The following MARCHF11 variants were observed in gnomAD, a reference collection of about 807,000 sequenced individuals.
MARCHF11 encodes the protein E3 ubiquitin-protein ligase MARCHF11.
Under a neutral mutation model 37.3 loss-of-function variants are expected in MARCHF11, and 29 were observed. The ratio of observed to expected loss-of-function variants is 0.78; its 90% CI spans 0.58 to 1.06. The LOEUF is 1.06. Among genes scored for constraint, MARCHF11 ranks in the 50% least tolerant of loss-of-function variants. MARCHF11 has a pLI of 0.00. For missense variants in MARCHF11, 482 were observed against 533.4 expected (o/e 0.90, Z 0.95); for synonymous variants, 233 against 228.0 (o/e 1.02, Z -0.20).
intron 2 of MARCHF11, among the ~76,000 whole-genome samples, chr5:16,136,484 G>A (rs1056387502): frequency 2.4e-4 from 37 of 152,250 alleles, no homozygotes; most frequent in Admixed American, 1.8e-3. Context: ...AAGAAAGTCA[G>A]GAGACAAATG....
chr5:16,172,141 A>C (rs1738280607), intron 2 of MARCHF11, among the ~76,000 whole-genome samples: 1 of 152,192 alleles, frequency 6.6e-6, no homozygotes, highest in African/African-American at 2.4e-5. Context: ...AGAAATTGTA[A>C]AATCACTGTA....
intron 2 of MARCHF11, among the ~76,000 whole-genome samples, chr5:16,136,249 G>A (rs1200060750): frequency 1.3e-5 from 2 of 151,954 alleles, no homozygotes; most frequent in African/African-American, 4.8e-5. Flanking sequence ...AAATGTTTGA[G>A]TAATAAAATA....
chr5:16,121,444 C>T (rs1004852248), intron 2 of MARCHF11, among the ~76,000 whole-genome samples: 6 of 152,004 alleles, frequency 3.9e-5, no homozygotes, highest in Non-Finnish European at 8.8e-5. Context: ...AGTATATACT[C>T]GTTACGTAAA....
At chr5:16,122,675 G>A (rs1018637556) in intron 2 of MARCHF11, among the ~76,000 whole-genome samples, 14 of 152,058 alleles carry the variant, frequency 9.2e-5, no homozygotes, top group Non-Finnish European at 8.8e-5. Flanking sequence ...AACACCACAC[G>A]TGCTGCAGTG....
intron 2 of MARCHF11, among the ~76,000 whole-genome samples, chr5:16,164,935 CTA>C (rs1261438260): frequency 6.6e-6 from 1 of 152,036 alleles, no homozygotes; most frequent in Non-Finnish European, 1.5e-5. Flanking sequence ...ATTATTATTA[CTA>C]TGTTATTTCT....
chr5:16,111,364 G>A (rs1579387997), intron 2 of MARCHF11, among the ~76,000 whole-genome samples: 1 of 152,176 alleles, frequency 6.6e-6, no homozygotes, highest in East Asian at 1.9e-4. Flanking sequence ...AGGCTGAGGT[G>A]GTCTCAGATG....
At chr5:16,099,077 T>G (rs1200175886) in intron 2 of MARCHF11, among the ~76,000 whole-genome samples, 5 of 152,184 alleles carry the variant, frequency 3.3e-5, no homozygotes, top group Non-Finnish European at 4.4e-5. Context: ...AAAGCCATTT[T>G]CTTTGTAAAA....
intron 2 of MARCHF11, among the ~76,000 whole-genome samples, chr5:16,165,779 C>T (rs2126606958): frequency 6.6e-6 from 1 of 152,178 alleles, no homozygotes; most frequent in Middle Eastern, 3.4e-3. Context: ...TGCCTGGCTA[C>T]ATAGAATTTG....
chr5:16,067,817 C>A (rs764489129), intron 3 of MARCHF11, 24 bp from the exon 4 acceptor site: 6 of 1,581,200 alleles, frequency 3.8e-6, no homozygotes, highest in Admixed American at 1.8e-5. Flanking sequence ...AAATAAAAAA[C>A]CAAAAAGACT....
intron 3 of MARCHF11, among the ~76,000 whole-genome samples, chr5:16,077,185 A>G (rs377685832): frequency 6.5e-4 from 99 of 152,236 alleles, no homozygotes; most frequent in African/African-American, 2.3e-3. Flanking sequence ...GCTTTGGTAG[A>G]TTTCCATTTG....
chr5:16,134,977 T>TTCTCTC (rs146251875), intron 2 of MARCHF11, among the ~76,000 whole-genome samples: 1,523 of 143,068 alleles, frequency 0.011, 13 homozygotes, highest in African/African-American at 0.017. Flanking sequence ...TATGAGTGAT[T>TTCTCTC]TCTCTCTCTC....
intron 2 of MARCHF11, among the ~76,000 whole-genome samples, chr5:16,169,809 A>G (rs1466805329): frequency 1.3e-5 from 2 of 152,120 alleles, no homozygotes; most frequent in African/African-American, 4.8e-5. Flanking sequence ...TCTACTCATC[A>G]GTCCATTCCC....
intron 3 of MARCHF11, among the ~76,000 whole-genome samples, chr5:16,082,581 T>A (rs1437551829): frequency 2.6e-5 from 4 of 152,152 alleles, no homozygotes; most frequent in Admixed American, 1.3e-4. Context: ...GCCTTAGTAG[T>A]CAAATTGTGG....
chr5:16,130,949 G>A (rs1737505301), intron 2 of MARCHF11, among the ~76,000 whole-genome samples: 1 of 152,056 alleles, frequency 6.6e-6, no homozygotes, highest in South Asian at 2.1e-4. Context: ...AGGCAAATAT[G>A]ATCTGATATC....
intron 2 of MARCHF11, among the ~76,000 whole-genome samples, chr5:16,098,524 T>A (rs551064783): frequency 6.6e-6 from 1 of 152,026 alleles, no homozygotes; most frequent in Non-Finnish European, 1.5e-5. Flanking sequence ...CCCAGCACTT[T>A]GGGGAGGCAG....
At chr5:16,111,021 T>C (rs555279130) in intron 2 of MARCHF11, among the ~76,000 whole-genome samples, 1 of 152,338 alleles carries the variant, frequency 6.6e-6, no homozygotes, top group East Asian at 1.9e-4. Flanking sequence ...TCTTGCCTGC[T>C]GCCAACATAA....
chr5:16,160,800 C>T (rs1249745939), intron 2 of MARCHF11, among the ~76,000 whole-genome samples: 1 of 151,606 alleles, frequency 6.6e-6, no homozygotes, highest in Non-Finnish European at 1.5e-5. Context: ...GAACCTGGGT[C>T]GAATTTATTT....
At chr5:16,150,109 T>C (rs936760093) in intron 2 of MARCHF11, among the ~76,000 whole-genome samples, 7 of 149,584 alleles carry the variant, frequency 4.7e-5, no homozygotes, top group Admixed American at 4.0e-4. Context: ...CAGGTGTACA[T>C]GTATAAAAGA....
In MARCHF11 at chr5:16,119,379, G is replaced by A. The variant is rs369998746; in HGVS notation, c.694-28298C>T. 1.1e-3 allele frequency among the ~76,000 whole-genome samples: 167 copies of A among 150,436 alleles called. 1 individual carries two copies. Among genetic ancestry groups the A allele is most frequent in the African/African-American group, 4.0e-3 (161 of 40,660 alleles). Reference sequence around the variant, plus strand: ...TCCATCTCAATTAAAAAAAAAAAAAGTCAAGAAAGAGAAGAAACAACTGAG... The same window carrying A: ...TCCATCTCAATTAAAAAAAAAAAAAATCAAGAAAGAGAAGAAACAACTGAG... On this transcript the variant is annotated intron_variant, in intron 2 of 3. Transcript: ENST00000332432.
Sources: gnomAD v4.1 joint callset for allele counts (sites outside exome capture counted in the v4.1 genomes callset) on GRCh38, gnomAD v4.1.1 for gene constraint, MANE v1.5 for transcripts, NCBI Gene and HGNC (gene_info 2026-07-23, HGNC 2026-07-21) for gene names.